SMYD3: variants seen among roughly 807,000 people sequenced by gnomAD.
SMYD3 encodes SET and MYND domain containing 3.
A neutral mutation model predicts 57.7 loss-of-function variants in SMYD3; 36 were observed. That is an observed-to-expected ratio of 0.62 (90% CI 0.48 to 0.82). The LOEUF is 0.82. SMYD3 is among the 40% of genes least tolerant of loss of function. The pLI is 0.00. For missense variants in SMYD3, 515 were observed against 538.8 expected, an observed-to-expected ratio of 0.96 and a Z score of 0.44; for synonymous variants, 211 against 195.0, an observed-to-expected ratio of 1.08 and a Z score of -0.68.
intron 5 of SMYD3, among the ~76,000 whole-genome samples, chr1:246,005,555 T>C (rs2059153829): frequency 1.3e-5 from 2 of 152,186 alleles, no homozygotes; most frequent in African/African-American, 4.8e-5. Context: ...AAAACTCCCT[T>C]GGTATGTCCT....
At chr1:245,911,180 A>C (rs1366271661) in intron 8 of SMYD3, among the ~76,000 whole-genome samples, 9 of 152,218 alleles carry the variant, frequency 5.9e-5, no homozygotes, top group Non-Finnish European at 1.2e-4. Context: ...TCATCTCCCC[A>C]GTTAAAATGG....
intron 5 of SMYD3, among the ~76,000 whole-genome samples, chr1:246,138,456 C>G (rs1049763393): frequency 1.4e-5 from 2 of 147,082 alleles, no homozygotes; most frequent in African/African-American, 4.9e-5. Context: ...GACGGAGTCT[C>G]GCTCTGTCGC....
chr1:246,185,865 A>G (rs576562515), intron 5 of SMYD3, among the ~76,000 whole-genome samples: 1 of 152,208 alleles, frequency 6.6e-6, no homozygotes, highest in Non-Finnish European at 1.5e-5. Context: ...CAATTTTTAC[A>G]TACATAACAT....
At chr1:246,306,725 C>A (rs1572360384) in intron 5 of SMYD3, among the ~76,000 whole-genome samples, 2 of 152,312 alleles carry the variant, frequency 1.3e-5, no homozygotes, top group East Asian at 3.9e-4. Flanking sequence ...CAGATAAGAT[C>A]ATTTTGACCT....
chr1:245,846,572 T>C (rs61830186), intron 10 of SMYD3, among the ~76,000 whole-genome samples: 2 of 152,102 alleles, frequency 1.3e-5, no homozygotes, highest in Non-Finnish European at 2.9e-5. Context: ...CGTCATGGAG[T>C]GTGCAAGTTA....
chr1:245,824,445 A>G (rs554032613), intron 10 of SMYD3, among the ~76,000 whole-genome samples: 30 of 152,316 alleles, frequency 2.0e-4, no homozygotes, highest in Admixed American at 7.2e-4. Flanking sequence ...GGCCGGGCGC[A>G]GTGGCTCACG....
chr1:246,162,115 T>C lies in SMYD3; in HGVS notation c.531+165086A>G, dbSNP rs576111147. Among the ~76,000 whole-genome samples, 5 of 152,258 alleles carry C rather than the reference T, an allele frequency of 3.3e-5. No individual in the cohort carries two copies. The East Asian group carries it at 9.6e-4, about 29-fold the overall frequency. ...GGTGAATCTATCAGAGAAGGACTAC[T>C]ATACAACATAAGTCGGTGGGAGCAA... On this transcript the variant is annotated intron_variant, in intron 5 of 11. Transcript: ENST00000490107.
Position 246,038,601 on chromosome 1 carries a change from A to G in SMYD3, c.532-108664T>C, listed in dbSNP as rs74928267. 8.2e-3 allele frequency among the ~76,000 whole-genome samples: 1,247 copies of G among 152,292 alleles called. 15 individuals carry two copies. Among genetic ancestry groups the G allele is most frequent in the African/African-American group, 0.027 (1,123 of 41,564 alleles). Reference sequence around the variant, plus strand: ...CGAATCCTATCAAAAGAAAATTAGAAAAGTGTTTTCTAGGTGATCGCTGTA... The same window carrying G: ...CGAATCCTATCAAAAGAAAATTAGAGAAGTGTTTTCTAGGTGATCGCTGTA... On this transcript the variant is annotated intron_variant, in intron 5 of 11. Transcript: ENST00000490107.
intron 5 of SMYD3, among the ~76,000 whole-genome samples, chr1:246,154,628 C>A (rs1344495958): frequency 3.9e-5 from 6 of 152,110 alleles, no homozygotes; most frequent in African/African-American, 1.4e-4. Flanking sequence ...TGAAAGCCCA[C>A]AAATTTGGCA....
intron 1 of SMYD3, among the ~76,000 whole-genome samples, chr1:246,478,078 G>A (rs10733109): frequency 0.98 from 149,051 of 152,368 alleles, 72,945 homozygotes; most frequent in Non-Finnish European, 0.99. Flanking sequence ...CATCTGTTGA[G>A]GACCTACTGA....
At chr1:246,497,311 C>T (rs2068378574) in intron 1 of SMYD3, among the ~76,000 whole-genome samples, 1 of 152,120 alleles carries the variant, frequency 6.6e-6, no homozygotes, top group Non-Finnish European at 1.5e-5. Context: ...ATATTTATGA[C>T]AAAATTTAAC....
chr1:246,279,801 T>C (rs1459467170), intron 5 of SMYD3, among the ~76,000 whole-genome samples: 2 of 152,336 alleles, frequency 1.3e-5, no homozygotes, highest in Admixed American at 1.3e-4. Flanking sequence ...ACAACTTCTC[T>C]ATAAAACAAG....
intron 5 of SMYD3, among the ~76,000 whole-genome samples, chr1:246,067,009 C>T (rs12080373): frequency 0.014 from 2,064 of 152,208 alleles, 46 homozygotes; most frequent in African/African-American, 0.048. Context: ...TTCTTTGAAG[C>T]GGTAAACTTT....
At chr1:246,297,894 T>A (rs1383956274) in intron 5 of SMYD3, among the ~76,000 whole-genome samples, 1 of 152,160 alleles carries the variant, frequency 6.6e-6, no homozygotes, top group Non-Finnish European at 1.5e-5. Flanking sequence ...TAGACAGCTT[T>A]ACTCTTTGGT....
At chr1:246,442,699 T>C (rs888780042) in intron 1 of SMYD3, among the ~76,000 whole-genome samples, 21 of 152,274 alleles carry the variant, frequency 1.4e-4, no homozygotes, top group Admixed American at 1.3e-3. Flanking sequence ...TTTAAAAATA[T>C]ATATATATTT....
chr1:246,141,674 A>T (rs541705484), intron 5 of SMYD3, among the ~76,000 whole-genome samples: 3 of 152,296 alleles, frequency 2.0e-5, no homozygotes, highest in Admixed American at 2.0e-4. Flanking sequence ...TAACATGCCA[A>T]CGTAAACACA....
At chr1:245,805,439 C>T (rs1181269189) in intron 10 of SMYD3, among the ~76,000 whole-genome samples, 4 of 152,290 alleles carry the variant, frequency 2.6e-5, no homozygotes, top group African/African-American at 9.6e-5. Context: ...GAACAGTACT[C>T]AATGTTTCTA....
chr1:246,047,865 A>G (rs1336077470), intron 5 of SMYD3, among the ~76,000 whole-genome samples: 1 of 152,080 alleles, frequency 6.6e-6, no homozygotes, highest in Non-Finnish European at 1.5e-5. Flanking sequence ...AAATGTGAAA[A>G]TAATTATATA....
At chr1:246,060,019 A>C (rs6698249) in intron 5 of SMYD3, among the ~76,000 whole-genome samples, 336 of 152,320 alleles carry the variant, frequency 2.2e-3, no homozygotes, top group African/African-American at 7.1e-3. Flanking sequence ...ATAATGGCTC[A>C]CACCTGTAAT....
Sources: gnomAD v4.1 joint callset for allele counts (sites outside exome capture counted in the v4.1 genomes callset) on GRCh38, gnomAD v4.1.1 for gene constraint, MANE v1.5 for transcripts, NCBI Gene and HGNC (gene_info 2026-07-23, HGNC 2026-07-21) for gene names.